The following SUSD4 variants were observed in gnomAD, a reference collection of about 807,000 sequenced individuals.
SUSD4 encodes the protein sushi domain containing 4.
Under a neutral mutation model 50.5 loss-of-function variants are expected in SUSD4, and 41 were observed. The ratio of observed to expected loss-of-function variants is 0.81; its 90% CI spans 0.63 to 1.05. SUSD4 has a LOEUF of 1.05. Among genes scored for constraint, SUSD4 ranks in the 50% least tolerant of loss-of-function variants. SUSD4 has a pLI of 0.00. For missense variants in SUSD4, 580 were observed against 634.7 expected (o/e 0.91, Z 0.93); for synonymous variants, 257 against 257.3 (o/e 1.00, Z 0.01).
At chr1:223,351,369 G>C (rs1398289691) in intron 2 of SUSD4, among the ~76,000 whole-genome samples, 1 of 152,252 alleles carries the variant, frequency 6.6e-6, no homozygotes, top group Non-Finnish European at 1.5e-5. Flanking sequence ...TGCTCAGCCA[G>C]GTGCCCTCAG....
intron 5 of SUSD4, among the ~76,000 whole-genome samples, chr1:223,257,573 G>T (rs569496785): frequency 1.3e-5 from 2 of 152,316 alleles, no homozygotes; most frequent in East Asian, 3.9e-4. Context: ...TGGCTTAGGA[G>T]AAAGGGAAAT....
At chr1:223,309,996 G>C (rs982603830) in intron 2 of SUSD4, among the ~76,000 whole-genome samples, 1 of 152,182 alleles carries the variant, frequency 6.6e-6, no homozygotes, top group Non-Finnish European at 1.5e-5. Context: ...GGCGTGCCTG[G>C]GACTGGCAGG....
At chr1:223,280,997 T>C (rs982336737) in intron 3 of SUSD4, among the ~76,000 whole-genome samples, 3 of 152,156 alleles carry the variant, frequency 2.0e-5, no homozygotes, top group African/African-American at 4.8e-5. Flanking sequence ...ACTAGTTACA[T>C]AACGAAATGA....
chr1:223,320,014 AC>A, intron 2 of SUSD4, among the ~76,000 whole-genome samples: 1 of 152,268 alleles, frequency 6.6e-6, no homozygotes, highest in South Asian at 2.1e-4. Flanking sequence ...CCAGGTGAAC[AC>A]CCACGGCATT....
intron 2 of SUSD4, chr1:223,359,111 G>A: frequency 2.1e-6 from 1 of 471,102 alleles, no homozygotes; most frequent in South Asian, 1.5e-5. Context: ...GGGTTTGCAT[G>A]AGTCAGAGAC....
At chr1:223,302,345 G>A (rs902509815) in intron 2 of SUSD4, among the ~76,000 whole-genome samples, 12 of 152,164 alleles carry the variant, frequency 7.9e-5, no homozygotes, top group African/African-American at 2.7e-4. Context: ...ACTCATAAAT[G>A]AACATGTCCA....
chr1:223,305,453 T>C (rs565309080), intron 2 of SUSD4, among the ~76,000 whole-genome samples: 5 of 152,156 alleles, frequency 3.3e-5, no homozygotes, highest in Non-Finnish European at 5.9e-5. Flanking sequence ...AATTTTCCAA[T>C]AAGAGACAAT....
chr1:223,249,862 T>C (rs1045843864), intron 5 of SUSD4, among the ~76,000 whole-genome samples: 1 of 152,056 alleles, frequency 6.6e-6, no homozygotes, highest in Non-Finnish European at 1.5e-5. Flanking sequence ...TTAGAAGACA[T>C]GGACAGTGAA....
At chr1:223,252,637 C>T (rs958962585) in intron 5 of SUSD4, among the ~76,000 whole-genome samples, 11 of 152,028 alleles carry the variant, frequency 7.2e-5, no homozygotes, top group Non-Finnish European at 1.5e-4. Flanking sequence ...TATGAAAATA[C>T]AGACTGATGT....
At chr1:223,298,425 C>T (rs1252897911) in intron 2 of SUSD4, among the ~76,000 whole-genome samples, 1 of 152,184 alleles carries the variant, frequency 6.6e-6, no homozygotes, top group Non-Finnish European at 1.5e-5. Context: ...TTTTTACAAA[C>T]TTCCCCCAAT....
At chr1:223,284,261 A>G (rs888160989) in intron 3 of SUSD4, among the ~76,000 whole-genome samples, 1 of 152,364 alleles carries the variant, frequency 6.6e-6, no homozygotes, top group African/African-American at 2.4e-5. Context: ...AGTCCCCTGC[A>G]TGAACAGATT....
intron 5 of SUSD4, among the ~76,000 whole-genome samples, chr1:223,244,521 AAG>A (rs1239689678): frequency 6.6e-6 from 1 of 152,170 alleles, no homozygotes; most frequent in Non-Finnish European, 1.5e-5. Flanking sequence ...AGTCTCTATC[AAG>A]AGAGGGCAGG....
intron 2 of SUSD4, among the ~76,000 whole-genome samples, chr1:223,351,922 A>G (rs939603145): frequency 2.0e-5 from 3 of 152,070 alleles, no homozygotes; most frequent in Non-Finnish European, 2.9e-5. Flanking sequence ...CACCGAGAAC[A>G]TGACCCAGTT....
intron 3 of SUSD4, among the ~76,000 whole-genome samples, chr1:223,288,300 A>G (rs1355359615): frequency 1.3e-5 from 2 of 152,148 alleles, no homozygotes; most frequent in Admixed American, 6.6e-5. Context: ...TGTATGCCGT[A>G]CTTTGCTTCC....
chr1:223,273,502 G>A (rs898670430), intron 3 of SUSD4, among the ~76,000 whole-genome samples: 1 of 152,220 alleles, frequency 6.6e-6, no homozygotes, highest in African/African-American at 2.4e-5. Flanking sequence ...GGCCACGCTA[G>A]ACAGATTATG....
At chr1:223,364,358 G>GA (rs1669193749), upstream of SUSD4, among the ~76,000 whole-genome samples, 1 of 144,992 alleles carries the variant, frequency 6.9e-6, no homozygotes, top group South Asian at 2.1e-4. This position sits in a 1 kb window ranked among gnomAD's most constrained non-coding sequence, Gnocchi z 4.5. Context: ...AGTGGGTGGG[G>GA]ACGGGGTGAG....
At chr1:223,230,530 C>T (rs1412247499) in intron 5 of SUSD4, 1 of 152,284 alleles carries the variant, frequency 6.6e-6, no homozygotes, top group Non-Finnish European at 1.5e-5. Flanking sequence ...GCCACTGAAA[C>T]TACTCACTGG....
rs575281051 is a variant in SUSD4, at chr1:223,291,474, G to A, written c.361+965C>T. On this transcript the variant is annotated intron_variant, in intron 3 of 8. Transcript: ENST00000366878. ...ACTGCACTCTAGCCTGGATGACAGAGGGAGACACTGTCTCAAAAAAAAAAA... is the reference window on the plus strand; with the variant it reads ...ACTGCACTCTAGCCTGGATGACAGAAGGAGACACTGTCTCAAAAAAAAAAA... 7.0e-4 allele frequency among the ~76,000 whole-genome samples: 84 copies of A among 120,224 alleles called. 3 individuals are homozygous for A. The Admixed American group carries it at 7.9e-3, about 11-fold the overall frequency. The allele number at this position is 120,224 out of a possible 152,430, so 78.9% of individuals were successfully genotyped here. A position where few individuals can be genotyped will look rare whatever the true frequency, so the allele number is the denominator to read the frequency against.
chr1:223,304,938 GA>G (rs1170365166), intron 2 of SUSD4, among the ~76,000 whole-genome samples: 2 of 147,970 alleles, frequency 1.4e-5, no homozygotes, highest in East Asian at 4.0e-4. Context: ...TAAATTCCTA[GA>G]GCCATGTTAA....
Sources: allele counts gnomAD v4.1 joint callset (sites outside exome capture counted in the v4.1 genomes callset), GRCh38; gene constraint gnomAD v4.1.1; non-coding constraint Gnocchi (gnomAD v3.1); transcripts MANE v1.5; gene names NCBI Gene and HGNC (gene_info 2026-07-23, HGNC 2026-07-21).